Variants in DST observed in about 807,000 individuals in gnomAD.
DST encodes bullous pemphigoid antigen.
DST carries 253 observed loss-of-function variants against 875.2 expected under a neutral mutation model. The ratio of observed to expected loss-of-function variants is 0.29; its 90% CI spans 0.26 to 0.32. DST has a LOEUF of 0.32. DST is among the 10% of genes least tolerant of loss of function. DST has a pLI of 1.00. For synonymous variants in DST, 3,124 were observed against 3,197.1 expected (o/e 0.98, Z 0.77); for missense variants, 8,287 against 9,111.6 (o/e 0.91, Z 3.68).
intron 3 of DST, among the ~76,000 whole-genome samples, chr6:56,885,571 G>A (rs1281828397): frequency 2.6e-5 from 4 of 152,148 alleles, no homozygotes; most frequent in East Asian, 1.9e-4. Context: ...TAAGAGGAGG[G>A]GCTTTTTGGA....
At chr6:56,482,008 A>G in intron 90 of DST, 42 bp downstream of exon 90, 2 of 1,591,080 alleles carry the variant, frequency 1.3e-6, no homozygotes, top group Non-Finnish European at 1.7e-6. Flanking sequence ...CCCTGCTTTG[A>G]TTTTCTAATT....
chr6:56,897,950 C>G (rs532049165), intron 3 of DST, among the ~76,000 whole-genome samples: 1 of 152,166 alleles, frequency 6.6e-6, no homozygotes, highest in African/African-American at 2.4e-5. Flanking sequence ...AAGACCAATG[C>G]CCTCTGCTGC....
chr6:56,924,667 A>G (rs4490669), intron 2 of DST, among the ~76,000 whole-genome samples: 29,348 of 152,096 alleles, frequency 0.19, 3,026 homozygotes, highest in Middle Eastern at 0.26. Context: ...TAAACACAGA[A>G]AGAGAGCTAG....
intron 4 of DST, among the ~76,000 whole-genome samples, chr6:56,803,458 T>C (rs886554527): frequency 6.6e-6 from 1 of 152,020 alleles, no homozygotes; most frequent in Non-Finnish European, 1.5e-5. Context: ...AACAATAGAA[T>C]AGCCTTTAAT....
chr6:56,592,314 A>T lies in DST; in HGVS notation c.12771T>A (p.Tyr4257Ter). The T allele has an allele frequency of 6.2e-7, 1 of 1,607,602 alleles. No homozygotes were observed. ...GNNLKDLVDK[Y>*]QHYEDASCGL... is the part of the protein sequence containing the mutation. The stretch of plus-strand genomic sequence containing the variant: ...CACATGAAGCATCTTCATAGTGTTG[A>T]TATTTATCCACCAGATCTTTAAGAT... Residue 4257 changes from tyrosine to a stop codon, truncating the protein, a stop_gained, in exon 49 of 104, where the codon TAT becomes TAA. Transcript: ENST00000680361. LOFTEE classifies it high-confidence loss of function.
intron 9 of DST, among the ~76,000 whole-genome samples, chr6:56,686,245 A>G (rs1453480434): frequency 6.6e-6 from 1 of 152,248 alleles, no homozygotes; most frequent in Non-Finnish European, 1.5e-5. Flanking sequence ...TGACAGCTAA[A>G]CATTGAGTAC....
intron 3 of DST, among the ~76,000 whole-genome samples, chr6:56,886,306 T>A (rs1384437317): frequency 6.6e-6 from 1 of 152,216 alleles, no homozygotes; most frequent in African/African-American, 2.4e-5. Flanking sequence ...TGCTTCTAAC[T>A]GACCTTATGA....
intron 9 of DST, among the ~76,000 whole-genome samples, chr6:56,694,678 A>C (rs1201425251): frequency 6.6e-6 from 1 of 152,104 alleles, no homozygotes; most frequent in Non-Finnish European, 1.5e-5. Context: ...CTGCTGATGA[A>C]GTTTAGATAT....
chr6:56,824,604 G>A (rs888998116), intron 4 of DST, among the ~76,000 whole-genome samples: 7 of 151,362 alleles, frequency 4.6e-5, no homozygotes, highest in Admixed American at 1.3e-4. Flanking sequence ...TGTGGGAAGC[G>A]CCTCTGCCCC....
rs1296540556 is a variant in DST, at chr6:56,593,667, G to A, written c.12722C>T (p.Ser4241Phe). The A allele has an allele frequency of 1.3e-6, 2 of 1,559,082 alleles. No homozygotes were observed. The highest frequency in any genetic ancestry group is 4.5e-5 in the East Asian group (2 of 44,228). ...HATDRFRSLY[S>F]KCNVLGNNLK... The stretch of plus-strand genomic sequence containing the variant: ...AAAAAATCAAAATAACATTACCTTA[G>A]AGTAGAGAGACCTGAACCGATCAGT... Residue 4241 changes from serine (S) to phenylalanine (F), a missense_variant, in exon 48 of 104, where the codon TCT (serine) becomes TTT (phenylalanine). Transcript: ENST00000680361.
At chr6:56,839,490 T>C (rs985435651) in intron 4 of DST, among the ~76,000 whole-genome samples, 4 of 152,208 alleles carry the variant, frequency 2.6e-5, no homozygotes, top group Admixed American at 6.5e-5. Context: ...AGTTCATTTA[T>C]TATATAACTA....
chr6:56,739,754 G>A (rs995123259), intron 4 of DST, among the ~76,000 whole-genome samples: 5 of 152,074 alleles, frequency 3.3e-5, no homozygotes, highest in East Asian at 1.9e-4. Context: ...TCCCACCAGC[G>A]CCATGACAGT....
intron 4 of DST, among the ~76,000 whole-genome samples, chr6:56,783,329 A>C (rs536402897): frequency 1.3e-5 from 2 of 152,196 alleles, no homozygotes; most frequent in South Asian, 4.2e-4. Flanking sequence ...TGGGGTGTTA[A>C]AGTCTCCCAT....
chr6:56,598,866 ATACTT>A (rs1455965705), intron 45 of DST, among the ~76,000 whole-genome samples, 157 bp from the exon 46 acceptor site: 2 of 152,300 alleles, frequency 1.3e-5, no homozygotes, highest in East Asian at 3.9e-4. Context: ...TTCAATCACA[ATACTT>A]AATATAATTT....
At chr6:56,754,963 T>C (rs1474000339) in intron 4 of DST, among the ~76,000 whole-genome samples, 1 of 152,122 alleles carries the variant, frequency 6.6e-6, no homozygotes, top group East Asian at 1.9e-4. Context: ...ATAATTGGAT[T>C]ATCCCTTCTA....
intron 5 of DST, among the ~76,000 whole-genome samples, chr6:56,715,434 C>T (rs1391954830): frequency 6.6e-6 from 1 of 152,170 alleles, no homozygotes; most frequent in African/African-American, 2.4e-5. Flanking sequence ...CTTTGGCATG[C>T]TGAGCACTTT....
chr6:56,566,516 C>T (rs1008014884), intron 55 of DST, among the ~76,000 whole-genome samples: 4 of 152,150 alleles, frequency 2.6e-5, no homozygotes, highest in Admixed American at 6.5e-5. Context: ...GCTCGCCCTC[C>T]GTGGGCTGCA....
intron 50 of DST, among the ~76,000 whole-genome samples, chr6:56,574,134 T>C (rs977687773): frequency 2.0e-5 from 3 of 148,718 alleles, no homozygotes; most frequent in African/African-American, 7.3e-5. Flanking sequence ...CCATCTGCAT[T>C]TGAAAAGAGA....
At position 56,639,996 on chromosome 6, in the gene DST, T is replaced by C. The variant is rs1187199443; in HGVS notation, c.2552A>G (p.Asn851Ser). The C allele has an allele frequency of 6.2e-7, 1 of 1,614,054 alleles. No homozygotes were observed. Among genetic ancestry groups the C allele is most frequent in the South Asian group, 1.1e-5 (1 of 91,082 alleles). ...DLPSVESHLENHKNVHRAIEE... is the reference protein window; with the variant it reads ...DLPSVESHLESHKNVHRAIEE... ...AATAGCTCTATGAACATTTTTATGA[T>C]TTTCTAAATGGCTTTCAACACTTGG... The change falls in exon 19 of 104, where the codon AAT becomes AGT. Residue 851 changes from asparagine to serine, a missense_variant. By Grantham distance (46) the Asn-to-Ser change is conservative. Transcript: ENST00000680361.
Sources: gnomAD v4.1 joint callset for allele counts (sites outside exome capture counted in the v4.1 genomes callset) on GRCh38, gnomAD v4.1.1 for gene constraint, MANE v1.5 for transcripts, NCBI Gene and HGNC (gene_info 2026-07-23, HGNC 2026-07-21) for gene names.